EMCN: variants seen among roughly 807,000 people sequenced by gnomAD.
The protein encoded by EMCN is MUC-14.
A neutral mutation model predicts 38.4 loss-of-function variants in EMCN; 37 were observed. That is an observed-to-expected ratio of 0.96 (90% confidence interval 0.74 to 1.27). The LOEUF (loss-of-function observed/expected upper bound fraction) is 1.27. Ranked by LOEUF, EMCN falls within the 50% of genes most tolerant of loss-of-function variation. The probability of loss-of-function intolerance (pLI) is 0.00; values close to 1 mark genes in which losing one functional copy is unlikely to be tolerated. For synonymous variants in EMCN, 95 were observed against 100.8 expected (o/e 0.94, Z 0.35); for missense variants, 318 against 302.8 (o/e 1.05, Z -0.37).
intron 2 of EMCN, among the ~76,000 whole-genome samples, chr4:100,475,403 A>G (rs987462421): frequency 2.0e-5 from 3 of 151,866 alleles, no homozygotes; most frequent in Admixed American, 6.6e-5. Context: ...TTAAACATGC[A>G]AAAAATTGTT....
chr4:100,444,800 G>C (rs1164519774), intron 5 of EMCN, among the ~76,000 whole-genome samples: 2 of 152,212 alleles, frequency 1.3e-5, no homozygotes, highest in East Asian at 3.9e-4. Context: ...CATGAGACAA[G>C]AGGTAGGGGC....
intron 3 of EMCN, among the ~76,000 whole-genome samples, chr4:100,468,742 G>C (rs1300205772): frequency 6.6e-6 from 1 of 151,710 alleles, no homozygotes; most frequent in Non-Finnish European, 1.5e-5. Flanking sequence ...AAAAACTGAA[G>C]AATTCACAAA....
chr4:100,432,064 C>T (rs754195192), intron 5 of EMCN, among the ~76,000 whole-genome samples: 9 of 152,072 alleles, frequency 5.9e-5, no homozygotes, highest in Non-Finnish European at 1.2e-4. Context: ...AAAATGAATT[C>T]CATGATTGCT....
chr4:100,478,253 T>A (rs1728712653), intron 2 of EMCN, among the ~76,000 whole-genome samples: 1 of 152,128 alleles, frequency 6.6e-6, no homozygotes, highest in Admixed American at 6.6e-5. Context: ...GCTTTATCTC[T>A]CTTCCACCTC....
At chr4:100,475,378 G>C (rs1029072823) in intron 2 of EMCN, among the ~76,000 whole-genome samples, 1 of 150,100 alleles carries the variant, frequency 6.7e-6, no homozygotes, top group Non-Finnish European at 1.5e-5. Flanking sequence ...ACTGAAGATT[G>C]TTACTTAGGT....
chr4:100,475,610 T>A (rs1195259366), intron 2 of EMCN, among the ~76,000 whole-genome samples: 2 of 150,254 alleles, frequency 1.3e-5, no homozygotes, highest in East Asian at 2.0e-4. Flanking sequence ...TATTAATTTG[T>A]GTGCCCTTCT....
At chr4:100,428,052 T>A (rs114540107) in intron 5 of EMCN, among the ~76,000 whole-genome samples, 1 of 72,952 alleles carries the variant, frequency 1.4e-5, no homozygotes, top group African/African-American at 9.3e-5. Flanking sequence ...CTCTCTCCTA[T>A]ATCCTTTCTT....
intron 3 of EMCN, chr4:100,474,063 A>G (rs1157227107): frequency 2.0e-5 from 3 of 152,196 alleles, no homozygotes; most frequent in Admixed American, 2.0e-4. Context: ...TACTATCAAC[A>G]AAATTAAAAG....
At chr4:100,497,104 G>A (rs1174091306) in intron 1 of EMCN, among the ~76,000 whole-genome samples, 2 of 151,524 alleles carry the variant, frequency 1.3e-5, no homozygotes, top group African/African-American at 4.8e-5. Flanking sequence ...TAGAAACTAA[G>A]GGCCATGTAG....
At chr4:100,423,246 G>T (rs1253992807) in intron 6 of EMCN, 66 bp downstream of exon 6, 8 of 1,399,134 alleles carry the variant, frequency 5.7e-6, no homozygotes, top group Admixed American at 1.7e-5. Flanking sequence ...AGTCAAGATT[G>T]TTAGGGTTTC....
Position 100,415,981 on chromosome 4 carries a change from A to C in EMCN, c.690-22T>G, listed in dbSNP as rs1383771825. 8 of 1,511,594 alleles carry C rather than the reference A, an allele frequency of 5.3e-6. No homozygotes were observed. The East Asian group carries it at 1.8e-4, about 34-fold the overall frequency. The allele number at this position is 1,511,594 out of a possible 1,614,324, so 93.6% of individuals were successfully genotyped here. On this transcript the variant is annotated intron_variant, in intron 9 of 11. Transcript: ENST00000296420. ...AGGTCTATTTGAAAAAAAAAACATG[A>C]AATTAACACCACAGTAATCAGCATT... is the stretch of plus-strand genomic sequence containing the variant.
At chr4:100,405,821 G>T (rs1726376695) in intron 11 of EMCN, among the ~76,000 whole-genome samples, 1 of 151,974 alleles carries the variant, frequency 6.6e-6, no homozygotes, top group South Asian at 2.1e-4. Flanking sequence ...TTGTACACCT[G>T]GTAGAATTCA....
At chr4:100,454,908 CT>C (rs1326614027) in intron 4 of EMCN, among the ~76,000 whole-genome samples, 1 of 151,980 alleles carries the variant, frequency 6.6e-6, no homozygotes, top group Non-Finnish European at 1.5e-5. Context: ...CTTTTCCTGT[CT>C]TTTGTTTTTA....
chr4:100,424,329 G>A (rs1202302684), intron 5 of EMCN, among the ~76,000 whole-genome samples: 3 of 152,026 alleles, frequency 2.0e-5, no homozygotes, highest in East Asian at 3.9e-4. Context: ...TCACTGAATT[G>A]CAAGTTCCTA....
chr4:100,459,642 T>C (rs1728120940), intron 4 of EMCN, among the ~76,000 whole-genome samples: 1 of 152,194 alleles, frequency 6.6e-6, no homozygotes, highest in East Asian at 1.9e-4. Flanking sequence ...GAGTTCAACA[T>C]GTTTAGATTC....
chr4:100,506,778 T>G (rs547008878), intron 1 of EMCN, among the ~76,000 whole-genome samples: 1 of 152,306 alleles, frequency 6.6e-6, no homozygotes, highest in African/African-American at 2.4e-5. Context: ...GAAGATAGAC[T>G]GCTAAATTCT....
intron 1 of EMCN, among the ~76,000 whole-genome samples, chr4:100,490,134 T>C (rs1424606965): frequency 4.7e-4 from 70 of 148,342 alleles, no homozygotes; most frequent in Admixed American, 9.4e-4. Context: ...GCTAGGCTAA[T>C]ATGTGTTTTT....
chr4:100,477,316 G>A (rs747273089), intron 2 of EMCN, among the ~76,000 whole-genome samples: 1 of 152,030 alleles, frequency 6.6e-6, no homozygotes, highest in East Asian at 1.9e-4. Flanking sequence ...TTTATGATAG[G>A]GATATTCAAC....
Position 100,441,890 on chromosome 4 carries a change from C to G in EMCN, c.415+5643G>C, listed in dbSNP as rs540955986. On this transcript the variant is annotated intron_variant, in intron 5 of 11. Transcript: ENST00000296420. ...ATTTTTGACCATTTTGACATTTAAC[C>G]GTCATGCTAGAGATACACATGATTT... Among the ~76,000 whole-genome samples the G allele has an allele frequency of 2.0e-5, 3 of 152,154 alleles. No individual in the cohort carries two copies. In the South Asian group the frequency reaches 6.2e-4, roughly 32 times the overall value.
Sources: gnomAD v4.1 joint callset for allele counts (sites outside exome capture counted in the v4.1 genomes callset) on GRCh38, gnomAD v4.1.1 for gene constraint, MANE v1.5 for transcripts, NCBI Gene and HGNC (gene_info 2026-07-23, HGNC 2026-07-21) for gene names.